The following TMEM117 variants were observed in gnomAD, a reference collection of about 807,000 sequenced individuals.
The protein encoded by TMEM117 is transmembrane protein 117.
A neutral mutation model predicts 52.4 loss-of-function variants in TMEM117; 27 were observed. The ratio of observed to expected loss-of-function variants is 0.51; its 90% CI spans 0.38 to 0.71. The LOEUF (loss-of-function observed/expected upper bound fraction) is 0.71, where lower values mean the gene tolerates loss of function less well. Ranked by LOEUF, TMEM117 falls within the 30% of genes least tolerant of loss-of-function variation. The pLI is 0.00. For synonymous variants in TMEM117, 215 were observed against 206.3 expected, an observed-to-expected ratio of 1.04 and a Z score of -0.36; for missense variants, 556 against 630.5, an observed-to-expected ratio of 0.88 and a Z score of 1.26.
At chr12:44,084,820 A>G (rs1203222136) in intron 3 of TMEM117, among the ~76,000 whole-genome samples, 3 of 152,182 alleles carry the variant, frequency 2.0e-5, no homozygotes, top group African/African-American at 7.2e-5. Flanking sequence ...AAAGCACTCA[A>G]TCCTACTGGT....
intron 3 of TMEM117, among the ~76,000 whole-genome samples, chr12:44,078,977 CTTGTGTTA>C (rs1947432342): frequency 1.3e-5 from 2 of 149,828 alleles, no homozygotes; most frequent in South Asian, 4.2e-4. Flanking sequence ...GTTTTCTGTT[CTTGTGTTA>C]GTTTGTTGAG....
chr12:43,922,033 T>C (rs762865343), intron 2 of TMEM117, among the ~76,000 whole-genome samples: 3 of 152,114 alleles, frequency 2.0e-5, no homozygotes, highest in African/African-American at 7.2e-5. Context: ...TAAACCTCCA[T>C]GTAAATTGCC....
At chr12:44,364,337 A>C (rs1464014636) in intron 6 of TMEM117, among the ~76,000 whole-genome samples, 1 of 152,124 alleles carries the variant, frequency 6.6e-6, no homozygotes, top group African/African-American at 2.4e-5. Context: ...ATTTTCTGAT[A>C]ATTTTTACCA....
intron 4 of TMEM117, among the ~76,000 whole-genome samples, chr12:44,149,926 G>T (rs2138218052): frequency 6.6e-6 from 1 of 152,266 alleles, no homozygotes; most frequent in East Asian, 1.9e-4. Flanking sequence ...GGAATAGAAG[G>T]CCAGGATGAG....
chr12:44,302,808 A>G (rs541481860), intron 6 of TMEM117, among the ~76,000 whole-genome samples: 1 of 152,342 alleles, frequency 6.6e-6, no homozygotes, highest in Admixed American at 6.5e-5. Flanking sequence ...CAGAAAGCAT[A>G]TGTACTCAAG....
At chr12:44,146,435 C>T (rs919255166) in intron 4 of TMEM117, among the ~76,000 whole-genome samples, 2 of 152,150 alleles carry the variant, frequency 1.3e-5, no homozygotes, top group Non-Finnish European at 2.9e-5. Context: ...CACCTAACCC[C>T]CTGGGGCCTT....
intron 5 of TMEM117, among the ~76,000 whole-genome samples, chr12:44,221,409 T>G (rs1160942956): frequency 6.6e-6 from 1 of 152,200 alleles, no homozygotes; most frequent in African/African-American, 2.4e-5. Flanking sequence ...CCAGTGTGTG[T>G]GCCCTAGCAT....
chr12:44,306,138 A>G (rs3858725), intron 6 of TMEM117, among the ~76,000 whole-genome samples: 7,142 of 152,146 alleles, frequency 0.047, 345 homozygotes, highest in African/African-American at 0.12. Context: ...GGTAGAAGGG[A>G]AGAGGGGAAT....
At chr12:44,390,782 C>A (rs1361013124), downstream of TMEM117, among the ~76,000 whole-genome samples, 2 of 152,044 alleles carry the variant, frequency 1.3e-5, no homozygotes, top group Non-Finnish European at 2.9e-5. Context: ...CCTTTTCTTA[C>A]CTACATATGG....
At chr12:44,313,209 T>C (rs1951013333) in intron 6 of TMEM117, among the ~76,000 whole-genome samples, 1 of 152,214 alleles carries the variant, frequency 6.6e-6, no homozygotes, top group Admixed American at 6.5e-5. Flanking sequence ...TGTTATTTTC[T>C]AGGTTTTCTT....
chr12:44,117,454 G>A (rs971053774), intron 3 of TMEM117, among the ~76,000 whole-genome samples: 4 of 152,042 alleles, frequency 2.6e-5, no homozygotes, highest in African/African-American at 9.7e-5. Context: ...GATCGAATCA[G>A]TTGCATCATG....
At chr12:43,903,889 T>C (rs112065847) in intron 2 of TMEM117, among the ~76,000 whole-genome samples, 3,534 of 152,144 alleles carry the variant, frequency 0.023, 68 homozygotes, top group South Asian at 0.059. Flanking sequence ...CCTGCCTCAA[T>C]GACTCCTTTA....
intron 2 of TMEM117, among the ~76,000 whole-genome samples, chr12:43,918,781 A>G (rs986185417): frequency 1.3e-5 from 2 of 152,176 alleles, no homozygotes; most frequent in Non-Finnish European, 2.9e-5. Context: ...AAAGCATTTT[A>G]ATATTCTCAC....
At chr12:44,043,722 G>A (rs1019175508) in intron 3 of TMEM117, among the ~76,000 whole-genome samples, 2 of 152,092 alleles carry the variant, frequency 1.3e-5, no homozygotes, top group Non-Finnish European at 2.9e-5. Flanking sequence ...GTGGGCCCCT[G>A]GAAGTGAGGT....
chr12:44,066,899 G>T (rs1947229103), intron 3 of TMEM117, among the ~76,000 whole-genome samples: 1 of 152,152 alleles, frequency 6.6e-6, no homozygotes, highest in East Asian at 1.9e-4. Context: ...CTGTTTGGTA[G>T]TCTTATACCC....
chr12:44,120,923 C>T (rs1375910179), intron 3 of TMEM117, among the ~76,000 whole-genome samples: 1 of 152,200 alleles, frequency 6.6e-6, no homozygotes, highest in Non-Finnish European at 1.5e-5. Flanking sequence ...AGTCCATTTT[C>T]ATGCTGCTGA....
At chr12:43,991,701 G>A (rs952503668) in intron 3 of TMEM117, among the ~76,000 whole-genome samples, 18 of 151,820 alleles carry the variant, frequency 1.2e-4, no homozygotes, top group Non-Finnish European at 2.2e-4. Flanking sequence ...TATTATCTAC[G>A]GACAAAATGA....
rs566160283 is a variant in TMEM117 at position 43,949,647 on chromosome 12, C to T, written c.410+5305C>T. 2.5e-4 allele frequency among the ~76,000 whole-genome samples: 38 copies of T among 152,194 alleles called. 1 individual carries two copies. The highest frequency in any genetic ancestry group is 6.0e-4 in the African/African-American group (25 of 41,520). ...GACTGCCTTTCCCTGGCACTGGCTG[C>T]GACCAATTATTATTTTGGAGAGACT... On this transcript the variant is annotated intron_variant, in intron 3 of 7. Transcript: ENST00000266534.
chr12:43,932,362 G>T (rs1303234556), intron 2 of TMEM117, among the ~76,000 whole-genome samples: 4 of 146,082 alleles, frequency 2.7e-5, no homozygotes, highest in Non-Finnish European at 6.0e-5. Context: ...TTCAGAACTG[G>T]ATACTTTTTG....
Sources: gnomAD v4.1 joint callset for allele counts (sites outside exome capture counted in the v4.1 genomes callset) on GRCh38, gnomAD v4.1.1 for gene constraint, MANE v1.5 for transcripts, NCBI Gene and HGNC (gene_info 2026-07-23, HGNC 2026-07-21) for gene names.